Variants in CIMIP4 observed in about 807,000 individuals in gnomAD.
CIMIP4 encodes protein EAN57.
chr22:36,991,162 C>A, the CIMIP4 span: 2 of 1,610,692 alleles, frequency 1.2e-6, no homozygotes, highest in South Asian at 1.1e-5. Flanking sequence ...GTAGAAGACA[C>A]CTCTACTGTG....
the CIMIP4 span, chr22:37,001,984 C>T: frequency 1.2e-6 from 2 of 1,614,004 alleles, no homozygotes; most frequent in South Asian, 1.1e-5. Context: ...CCTGGCATGG[C>T]TGAGCCCCCT....
chr22:37,006,919 T>G, the CIMIP4 span, among the ~76,000 whole-genome samples: 4 of 152,206 alleles, frequency 2.6e-5, no homozygotes, highest in African/African-American at 9.7e-5. Context: ...GCTCATCTTC[T>G]CTGACAGAAG....
the CIMIP4 span, chr22:36,991,416 G>C: frequency 6.3e-7 from 1 of 1,580,246 alleles, no homozygotes; most frequent in African/African-American, 1.3e-5. Context: ...CTGACCCTTA[G>C]AGCCAACACA....
chr22:36,997,893 G>A, the CIMIP4 span, among the ~76,000 whole-genome samples: 1 of 152,248 alleles, frequency 6.6e-6, no homozygotes, highest in East Asian at 1.9e-4. Flanking sequence ...GGTGGAAACA[G>A]AGAGGGACAG....
chr22:37,005,771 T>TTC, the CIMIP4 span, among the ~76,000 whole-genome samples: 1 of 152,370 alleles, frequency 6.6e-6, no homozygotes, highest in South Asian at 2.1e-4. Context: ...TCTTACTTTC[T>TTC]TCTTGCTGCT....
the CIMIP4 span, chr22:37,007,679 A>C: frequency 6.6e-6 from 1 of 152,264 alleles, no homozygotes; most frequent in African/African-American, 2.4e-5. Context: ...AAGGAAGATG[A>C]AACCCCATGT....
At chr22:37,000,011 CAG>C in the CIMIP4 span, 1 of 1,597,750 alleles carries the variant, frequency 6.3e-7, no homozygotes, top group South Asian at 1.1e-5. Flanking sequence ...GGATGACAGA[CAG>C]GGGATGGAAA....
the CIMIP4 span, among the ~76,000 whole-genome samples, chr22:36,994,925 C>G: frequency 6.6e-6 from 1 of 152,300 alleles, no homozygotes; most frequent in Non-Finnish European, 1.5e-5. Context: ...CCACTGCGCC[C>G]GGCCTGGAGA....
the CIMIP4 span, among the ~76,000 whole-genome samples, chr22:36,995,941 T>C: frequency 6.6e-6 from 1 of 152,166 alleles, no homozygotes; most frequent in Non-Finnish European, 1.5e-5. Context: ...AGGATGCCTG[T>C]TTTTCCTGCT....
At chr22:37,004,393 TCAC>T in the CIMIP4 span, among the ~76,000 whole-genome samples, 29 of 151,706 alleles carry the variant, frequency 1.9e-4, no homozygotes, top group African/African-American at 6.3e-4. Flanking sequence ...TTCTGCCCCA[TCAC>T]CACCACCCTA....
chr22:36,997,546 A>C, the CIMIP4 span, among the ~76,000 whole-genome samples: 4,308 of 152,254 alleles, frequency 0.028, 204 homozygotes, highest in African/African-American at 0.098. Context: ...TGCCTTCCAA[A>C]ATAGCGCAGG....
chr22:36,996,175 T>C, the CIMIP4 span, among the ~76,000 whole-genome samples: 1 of 152,118 alleles, frequency 6.6e-6, no homozygotes, highest in African/African-American at 2.4e-5. Context: ...CCACATGGGA[T>C]TCATGTGCAG....
chr22:37,006,931 C>T, the CIMIP4 span, among the ~76,000 whole-genome samples: 4 of 152,206 alleles, frequency 2.6e-5, no homozygotes, highest in African/African-American at 9.7e-5. Context: ...TGACAGAAGC[C>T]AGTTTCCCTG....
the CIMIP4 span, among the ~76,000 whole-genome samples, chr22:36,998,937 C>A: frequency 1.3e-5 from 2 of 152,124 alleles, no homozygotes; most frequent in Non-Finnish European, 2.9e-5. Flanking sequence ...CCAGCAAGGG[C>A]CATACTCTCA....
At chr22:36,999,560 G>A in the CIMIP4 span, among the ~76,000 whole-genome samples, 5 of 26,310 alleles carry the variant, frequency 1.9e-4, no homozygotes, top group Admixed American at 3.1e-4. Flanking sequence ...GAGAAGGGGA[G>A]GGGAGGGGGG....
chr22:37,002,196 G>C, the CIMIP4 span: 5 of 1,483,546 alleles, frequency 3.4e-6, no homozygotes, highest in Non-Finnish European at 4.5e-6. Flanking sequence ...GACAGACCCT[G>C]GTTCTTGAAC....
chr22:36,993,560 T>C, the CIMIP4 span, among the ~76,000 whole-genome samples: 1 of 137,658 alleles, frequency 7.3e-6, no homozygotes, highest in African/African-American at 2.7e-5. Context: ...CCGTCTCTAC[T>C]AAAAATACAA....
chr22:36,999,512 A>G, the CIMIP4 span, among the ~76,000 whole-genome samples: 1 of 84,192 alleles, frequency 1.2e-5, no homozygotes, highest in Non-Finnish European at 2.2e-5. Context: ...GAAGGGAAGG[A>G]AAGGGAAGGG....
At chr22:37,003,861 C>T in the CIMIP4 span, 1 of 1,263,064 alleles carries the variant, frequency 7.9e-7, no homozygotes, top group Non-Finnish European at 1.1e-6. Flanking sequence ...TGGAGGCCAA[C>T]ACAAGACGGA....
Sources: allele counts gnomAD v4.1 joint callset (sites outside exome capture counted in the v4.1 genomes callset), GRCh38; gene constraint gnomAD v4.1.1; transcripts MANE v1.5; gene names NCBI Gene and HGNC (gene_info 2026-07-23, HGNC 2026-07-21).